Variants in ERBB4 observed in about 807,000 individuals in gnomAD.
The protein encoded by ERBB4 is erb-b2 receptor tyrosine kinase 4.
ERBB4 carries 42 observed loss-of-function variants against 158.0 expected under a neutral mutation model. The observed-to-expected ratio is 0.27, with a 90% CI of 0.21 to 0.34. The LOEUF (loss-of-function observed/expected upper bound fraction) is 0.34, where lower values mean the gene tolerates loss of function less well. ERBB4 is among the 10% of genes least tolerant of loss of function. The pLI is 1.00. For synonymous variants in ERBB4, 583 were observed against 558.7 expected (o/e 1.04, Z -0.61); for missense variants, 1,333 against 1,624.1 (o/e 0.82, Z 3.08).
chr2:212,197,790 G>C (rs1420888689), intron 1 of ERBB4, among the ~76,000 whole-genome samples: 1 of 152,154 alleles, frequency 6.6e-6, no homozygotes, highest in Non-Finnish European at 1.5e-5. Flanking sequence ...ATGAAAAAGT[G>C]AATTAGGGAG....
intron 20 of ERBB4, among the ~76,000 whole-genome samples, chr2:211,468,779 C>T (rs1042437183): frequency 1.3e-5 from 2 of 152,066 alleles, no homozygotes; most frequent in Non-Finnish European, 2.9e-5. Flanking sequence ...TATCATGGTG[C>T]TTTCATCATT....
intron 1 of ERBB4, among the ~76,000 whole-genome samples, chr2:212,349,073 C>G (rs553690984): frequency 6.6e-6 from 1 of 152,102 alleles, no homozygotes; most frequent in Non-Finnish European, 1.5e-5. Flanking sequence ...TGATTTGTGT[C>G]TCAAAAGTGG....
In ERBB4 at chr2:211,467,961, C is replaced by A. The variant is rs186479235; in HGVS notation, c.2488-36861G>T. On this transcript the variant is annotated intron_variant, in intron 20 of 27. Coordinates refer to ENST00000342788, the MANE Select transcript of ERBB4 (RefSeq NM_005235.3). ...CTTTTGGAGAAAGTAAAGGAGCAAT[C>A]TAAGGATACTTCTACACCCAAATTT... Among the ~76,000 whole-genome samples, 365 of 152,226 alleles carry A rather than the reference C, an allele frequency of 2.4e-3. 2 individuals carry two copies. Among genetic ancestry groups the A allele is most frequent in the African/African-American group, 8.1e-3 (338 of 41,548 alleles).
At chr2:211,414,017 G>A (rs987970317) in intron 25 of ERBB4, among the ~76,000 whole-genome samples, 5 of 151,962 alleles carry the variant, frequency 3.3e-5, no homozygotes, top group Admixed American at 2.6e-4. Context: ...CTGCGGGCAC[G>A]CCCAGGCAAG....
intron 2 of ERBB4, among the ~76,000 whole-genome samples, chr2:211,948,600 A>C (rs751585718): frequency 8.5e-5 from 13 of 152,094 alleles, no homozygotes; most frequent in Non-Finnish European, 1.5e-4. Flanking sequence ...TCATGAAGAA[A>C]GTCTGAGTTT....
intron 16 of ERBB4, among the ~76,000 whole-genome samples, chr2:211,634,074 G>T (rs894659669): frequency 1.3e-5 from 2 of 152,230 alleles, no homozygotes; most frequent in African/African-American, 2.4e-5. Context: ...CAGGAGAATC[G>T]CCTGAACCCA....
chr2:212,303,490 T>G (rs2106214600), intron 1 of ERBB4, among the ~76,000 whole-genome samples: 1 of 151,580 alleles, frequency 6.6e-6, no homozygotes, highest in East Asian at 2.0e-4. Flanking sequence ...AGACTCTATT[T>G]ATCTAGCACG....
At chr2:212,173,224 A>C (rs1035769817) in intron 1 of ERBB4, among the ~76,000 whole-genome samples, 2 of 152,196 alleles carry the variant, frequency 1.3e-5, no homozygotes, top group African/African-American at 4.8e-5. Context: ...TCAAGAAAGA[A>C]AATAAAATAA....
At chr2:212,015,040 AAATATATATATATATATATATATATAT>A (rs2076481407) in intron 2 of ERBB4, among the ~76,000 whole-genome samples, 2 of 12,232 alleles carry the variant, frequency 1.6e-4, no homozygotes, top group African/African-American at 3.2e-4. Flanking sequence ...AAAAAAAAAA[AAATATATATATATATATATATATATAT>A]ATATATATAT....
chr2:212,121,549 T>G (rs1161150069), intron 2 of ERBB4, among the ~76,000 whole-genome samples: 2 of 152,162 alleles, frequency 1.3e-5, no homozygotes, highest in Non-Finnish European at 2.9e-5. Flanking sequence ...ATCTTACTCT[T>G]TTTAATCTCC....
At chr2:211,442,980 G>A (rs1014052733) in intron 20 of ERBB4, among the ~76,000 whole-genome samples, 5 of 151,894 alleles carry the variant, frequency 3.3e-5, no homozygotes, top group Non-Finnish European at 7.4e-5. Context: ...AACTCAGTTT[G>A]ACCCTCCTCA....
intron 25 of ERBB4, among the ~76,000 whole-genome samples, chr2:211,415,606 A>T (rs930537533): frequency 2.6e-5 from 4 of 151,142 alleles, no homozygotes; most frequent in Admixed American, 6.6e-5. Context: ...TCTCATGGTT[A>T]ATTACAGTGT....
intron 1 of ERBB4, among the ~76,000 whole-genome samples, chr2:212,347,964 A>G (rs2089085766): frequency 6.6e-6 from 1 of 152,112 alleles, no homozygotes; most frequent in South Asian, 2.1e-4. Context: ...TAGGTGAAAT[A>G]GCATTCAATT....
intron 3 of ERBB4, among the ~76,000 whole-genome samples, chr2:211,861,932 T>G (rs1020771932): frequency 6.9e-6 from 1 of 145,558 alleles, no homozygotes; most frequent in African/African-American, 2.5e-5. Context: ...TTAAAAAATT[T>G]TAAAGCATAA....
intron 1 of ERBB4, among the ~76,000 whole-genome samples, chr2:212,340,552 C>A (rs544604544): frequency 6.6e-6 from 1 of 152,286 alleles, no homozygotes; most frequent in East Asian, 1.9e-4. Flanking sequence ...TCGTAAGGAG[C>A]ATGCCACCCA....
intron 3 of ERBB4, among the ~76,000 whole-genome samples, chr2:211,914,688 C>A (rs1384224340): frequency 6.6e-6 from 1 of 151,950 alleles, no homozygotes; most frequent in Non-Finnish European, 1.5e-5. Context: ...TACACATAAT[C>A]AAAATTGCAC....
intron 16 of ERBB4, among the ~76,000 whole-genome samples, chr2:211,638,515 C>A (rs1049738173): frequency 2.0e-5 from 3 of 152,130 alleles, no homozygotes; most frequent in Non-Finnish European, 2.9e-5. Context: ...TGGGGTATTA[C>A]AATAGGTCTC....
intron 3 of ERBB4, among the ~76,000 whole-genome samples, chr2:211,896,934 C>T (rs1316605158): frequency 2.6e-5 from 4 of 151,834 alleles, no homozygotes; most frequent in South Asian, 4.2e-4. Flanking sequence ...ATTTTTGGCT[C>T]GGTCAAATCT....
At chr2:212,109,216 G>A (rs1168169357) in intron 2 of ERBB4, among the ~76,000 whole-genome samples, 1 of 152,072 alleles carries the variant, frequency 6.6e-6, no homozygotes, top group East Asian at 1.9e-4. Context: ...CCGGTTCCTA[G>A]AAAATACAAG....
Sources: gnomAD v4.1 joint callset for allele counts (sites outside exome capture counted in the v4.1 genomes callset) on GRCh38, gnomAD v4.1.1 for gene constraint, MANE v1.5 for transcripts, NCBI Gene and HGNC (gene_info 2026-07-23, HGNC 2026-07-21) for gene names.